Variants in TNKS2 observed in about 807,000 individuals in gnomAD.
The protein encoded by TNKS2 is tankyrase 2.
TNKS2 carries 72 observed loss-of-function variants against 137.6 expected under a neutral mutation model. The observed-to-expected ratio is 0.52, with a 90% CI of 0.43 to 0.64. The LOEUF is 0.64. Ranked by LOEUF, TNKS2 falls within the 30% of genes least tolerant of loss-of-function variation. The pLI is 0.00. For synonymous variants in TNKS2, 516 were observed against 512.1 expected (o/e 1.01, Z -0.10); for missense variants, 1,049 against 1,410.2 (o/e 0.74, Z 4.10).
At chr10:91,826,597 A>G (rs1845078181) in intron 7 of TNKS2, among the ~76,000 whole-genome samples, 2 of 152,202 alleles carry the variant, frequency 1.3e-5, no homozygotes, top group African/African-American at 2.4e-5. Flanking sequence ...GGAATTGTCT[A>G]TAAAAGGAGC....
In TNKS2 at chr10:91,840,714, C is replaced by T; in HGVS notation, c.1673+8C>T. The T allele has an allele frequency of 6.2e-7, 1 of 1,608,878 alleles. No individual in the cohort carries two copies. The highest frequency in any genetic ancestry group is 8.5e-7 in the Non-Finnish European group (1 of 1,177,362). On this transcript the variant is annotated splice_region_variant and intron_variant, in intron 14 of 26. Transcript: ENST00000371627. Reference sequence around the variant, plus strand: ...GCATGCTAAAGATAAAGGGTAAATGCCAATGATTGTTATGGACTCTCTTCC... The same window carrying T: ...GCATGCTAAAGATAAAGGGTAAATGTCAATGATTGTTATGGACTCTCTTCC...
At chr10:91,819,618 T>C in intron 5 of TNKS2, 61 bp downstream of exon 5, 1 of 1,257,708 alleles carries the variant, frequency 8.0e-7, no homozygotes, top group African/African-American at 1.5e-5. Context: ...TAAAGATGTG[T>C]TTATCTTATG....
At chr10:91,810,084 T>A (rs1844448342) in intron 1 of TNKS2, among the ~76,000 whole-genome samples, 1 of 152,158 alleles carries the variant, frequency 6.6e-6, no homozygotes. Context: ...AAATAAGATC[T>A]AATTGAAATC....
intron 5 of TNKS2, 96 bp from the exon 6 acceptor site, chr10:91,819,843 T>G: frequency 9.9e-7 from 1 of 1,011,532 alleles, no homozygotes; most frequent in East Asian, 2.6e-5. Flanking sequence ...GAAGTTATAA[T>G]TGGATTTTCT....
chr10:91,844,946 A>C lies in TNKS2; in HGVS notation c.2087A>C (p.Glu696Ala). ...GGTTATAATAATTTAGAAGTTGCAG[A>C]GTATTTGTTACAACACGGAGCTGAT... ...AAGYNNLEVA[E>A]YLLQHGADVN... Residue 696 changes from glutamate (E) to alanine (A), a missense_variant, in exon 17 of 27, where the codon GAG (glutamate) becomes GCG (alanine). Physicochemically the swap from Glu to Ala is moderately radical, Grantham distance 107. This residue lies in a region of TNKS2 where 328 missense variants were observed against 436.0 expected (regional missense o/e 0.75). Coordinates refer to ENST00000371627, the MANE Select transcript of TNKS2 (RefSeq NM_025235.4). The C allele has an allele frequency of 1.2e-6, 2 of 1,611,962 alleles. No individual in the cohort carries two copies. Among genetic ancestry groups the C allele is most frequent in the Non-Finnish European group, 1.7e-6 (2 of 1,178,998 alleles).
Position 91,847,764 on chromosome 10 carries a change from A to G in TNKS2, c.2359-619A>G, listed in dbSNP as rs150455418. ...TGCTGAATATTTTCCAGGAAATACA[A>G]ACAATTCAGTTTGCTAAAGTTCTGT... is the stretch of plus-strand genomic sequence containing the variant. On this transcript the variant is annotated intron_variant, in intron 18 of 26. Transcript: ENST00000371627. Among the ~76,000 whole-genome samples the G allele has an allele frequency of 2.3e-4, 35 of 152,358 alleles. 1 individual carries two copies. The highest frequency in any genetic ancestry group is 7.9e-4 in the African/African-American group (33 of 41,584).
intron 25 of TNKS2, 115 bp from the exon 26 acceptor site, chr10:91,861,884 C>G (rs1842861912): frequency 1.1e-6 from 1 of 904,686 alleles, no homozygotes. Context: ...ATGATAAAAA[C>G]AATTATAAGT....
chr10:91,840,513 TAAC>T (rs760179120), intron 13 of TNKS2, 45 bp from the exon 14 acceptor site: 2 of 1,528,710 alleles, frequency 1.3e-6, no homozygotes, highest in Non-Finnish European at 1.8e-6. Flanking sequence ...AAACAAGAAA[TAAC>T]AATATGTAGA....
intron 3 of TNKS2, 77 bp downstream of exon 3, chr10:91,817,306 A>G: frequency 1.2e-6 from 1 of 862,364 alleles, no homozygotes; most frequent in South Asian, 1.7e-5. Flanking sequence ...GCCTCCTATG[A>G]TTAATGACTT....
intron 7 of TNKS2, among the ~76,000 whole-genome samples, chr10:91,824,363 G>A (rs1174499871): frequency 6.6e-6 from 1 of 152,158 alleles, no homozygotes; most frequent in Admixed American, 6.5e-5. Flanking sequence ...ACTAAGACAC[G>A]ATCCCTGGAC....
intron 16 of TNKS2, among the ~76,000 whole-genome samples, chr10:91,843,546 T>G (rs1302979501): frequency 6.6e-6 from 1 of 152,208 alleles, no homozygotes; most frequent in African/African-American, 2.4e-5. Flanking sequence ...ACATTTGTTT[T>G]AAGGTTTCAC....
chr10:91,843,444 T>C (rs1842274621), intron 16 of TNKS2, among the ~76,000 whole-genome samples: 1 of 152,194 alleles, frequency 6.6e-6, no homozygotes, highest in South Asian at 2.1e-4. Flanking sequence ...TTTTAGCTCT[T>C]TAAAGGCTCT....
chr10:91,838,566 G>T (rs903560788), intron 13 of TNKS2, among the ~76,000 whole-genome samples: 1 of 152,150 alleles, frequency 6.6e-6, no homozygotes, highest in Admixed American at 6.5e-5. Context: ...GAGTAGAATG[G>T]CCTGTGATAA....
intron 18 of TNKS2, among the ~76,000 whole-genome samples, chr10:91,846,261 T>G (rs1842367551): frequency 6.6e-6 from 1 of 152,186 alleles, no homozygotes; most frequent in Non-Finnish European, 1.5e-5. Context: ...TTACTTATAG[T>G]GCATACAGCG....
intron 19 of TNKS2, among the ~76,000 whole-genome samples, 184 bp from the exon 20 acceptor site, chr10:91,849,328 C>T (rs190152788): frequency 4.4e-4 from 67 of 152,268 alleles, no homozygotes; most frequent in African/African-American, 1.5e-3. Context: ...GAGACTGCCC[C>T]ATTGATTAGC....
chr10:91,855,099 TAA>T lies in TNKS2; in HGVS notation c.2888_2889del (p.Lys963ArgfsTer39). On this transcript the variant is annotated frameshift_variant, in exon 22 of 27. Coordinates refer to ENST00000371627, the MANE Select transcript of TNKS2 (RefSeq NM_025235.4). LOFTEE classifies it high-confidence loss of function. ...TTCTTATAGATCTGTCTCCTGATGA[TAA>T]AGAGTTTCAGTCTGTGGAGGAAGAG... ...TILIDLSPDD[K>X]EFQSVEEEMQ... The T allele has an allele frequency of 6.2e-7, 1 of 1,611,172 alleles. No homozygotes were observed. Among genetic ancestry groups the T allele is most frequent in the Non-Finnish European group, 8.5e-7 (1 of 1,177,630 alleles).
At chr10:91,862,190 C>G (rs1842870236) in intron 26 of TNKS2, 35 bp downstream of exon 26, 1 of 1,493,230 alleles carries the variant, frequency 6.7e-7, no homozygotes, top group Non-Finnish European at 9.0e-7. Flanking sequence ...TTCAAAAATG[C>G]TAGGGAGGCA....
At chr10:91,799,649 A>G (rs1354581665) in intron 1 of TNKS2, among the ~76,000 whole-genome samples, 2 of 152,244 alleles carry the variant, frequency 1.3e-5, no homozygotes, top group Non-Finnish European at 2.9e-5. Flanking sequence ...AATATTTATT[A>G]GGTTCACTTT....
chr10:91,833,814 G>A, intron 11 of TNKS2, 39 bp from the exon 12 acceptor site: 1 of 1,492,496 alleles, frequency 6.7e-7, no homozygotes, highest in Non-Finnish European at 9.0e-7. Context: ...TTTAAATTTT[G>A]CATTGCGGGC....
Sources: allele counts gnomAD v4.1 joint callset (sites outside exome capture counted in the v4.1 genomes callset), GRCh38; gene constraint gnomAD v4.1.1; regional missense constraint gnomAD v4.1.1; transcripts MANE v1.5; gene names NCBI Gene and HGNC (gene_info 2026-07-23, HGNC 2026-07-21).